GPA33: variants seen among roughly 807,000 people sequenced by gnomAD.
GPA33 encodes the protein cell surface A33 antigen.
Under a neutral mutation model 35.6 loss-of-function variants are expected in GPA33, and 27 were observed. That is an observed-to-expected ratio of 0.76 (90% CI 0.56 to 1.04). The LOEUF (loss-of-function observed/expected upper bound fraction) is 1.04, where lower values mean the gene tolerates loss of function less well. Ranked by LOEUF, GPA33 falls within the 50% of genes least tolerant of loss-of-function variation. The pLI, the probability that GPA33 is intolerant of heterozygous loss-of-function variation, is 0.00. For synonymous variants in GPA33, 176 were observed against 164.0 expected, an observed-to-expected ratio of 1.07 and a Z score of -0.56; for missense variants, 428 against 411.9, an observed-to-expected ratio of 1.04 and a Z score of -0.34.
In GPA33 at chr1:167,054,402, C is replaced by T; in HGVS notation, c.892G>A (p.Glu298Lys). 1 of 1,614,138 alleles carries T rather than the reference C, an allele frequency of 6.2e-7. No individual in the cohort carries two copies. The highest frequency in any genetic ancestry group is 8.5e-7 in the Non-Finnish European group (1 of 1,180,002). The change falls in exon 7 of 7, where the codon GAG becomes AAG. Residue 298 changes from glutamate to lysine, a missense_variant. By Grantham distance (56) the Glu-to-Lys change is moderately conservative (BLOSUM62 1). Transcript: ENST00000367868. ...TGCTCTTCTTGCCTGTAGTCATCCT[C>T]CTCCTCCCTCTCTCTGGAAAGTTCT... ...LRELSREREE[E>K]DDYRQEEQRS...
rs1219132819 is a variant in GPA33 at position 167,067,392 on chromosome 1, G to A, written c.415+1530C>T. Among the ~76,000 whole-genome samples the A allele has an allele frequency of 4.6e-5, 7 of 152,152 alleles. No individual in the cohort carries two copies. The East Asian group carries it at 1.2e-3, about 25-fold the overall frequency. On this transcript the variant is annotated intron_variant, in intron 3 of 6. Transcript: ENST00000367868. Reference sequence around the variant, plus strand: ...GCTGGGATTACAGGCTTGAGCTACCGCACCCGACCCTTCTTCTTTTTTAAA... The same window carrying A: ...GCTGGGATTACAGGCTTGAGCTACCACACCCGACCCTTCTTCTTTTTTAAA...
Position 167,054,283 on chromosome 1 carries a change from C to T in GPA33, c.*51G>A, listed in dbSNP as rs374024652. 2.6e-5 allele frequency: 42 copies of T among 1,605,036 alleles called. No individual in the cohort carries two copies. The highest frequency in any genetic ancestry group is 2.9e-5 in the Non-Finnish European group (34 of 1,175,162). ...AGAAAGGAGAAGGGAGGCCAGGAAG[C>T]GGGAGAATGAACCCCTAACCCTTCC... On this transcript the variant is annotated 3_prime_UTR_variant, in exon 7 of 7. Transcript: ENST00000367868.
At chr1:167,081,353 G>A (rs949409142) in intron 1 of GPA33, among the ~76,000 whole-genome samples, 3 of 152,190 alleles carry the variant, frequency 2.0e-5, no homozygotes, top group Admixed American at 2.0e-4. Flanking sequence ...CCAGGACCAA[G>A]TACCATGTGC....
chr1:167,070,265 A>C (rs1355708497), intron 2 of GPA33, among the ~76,000 whole-genome samples: 1 of 152,194 alleles, frequency 6.6e-6, no homozygotes, highest in Non-Finnish European at 1.5e-5. Context: ...TGTGTGAGTG[A>C]GGGACTGGTG....
intron 4 of GPA33, among the ~76,000 whole-genome samples, chr1:167,060,755 G>A (rs1384725125): frequency 6.6e-6 from 1 of 152,160 alleles, no homozygotes; most frequent in Non-Finnish European, 1.5e-5. Flanking sequence ...AGGTACCCGT[G>A]GCTTACAGGG....
intron 1 of GPA33, among the ~76,000 whole-genome samples, chr1:167,083,314 A>G (rs1666989531): frequency 6.6e-6 from 1 of 152,244 alleles, no homozygotes; most frequent in African/African-American, 2.4e-5. Flanking sequence ...AGCAAGTGAG[A>G]TTAGGAACAC....
In GPA33 at chr1:167,069,088, C is replaced by A. The variant is rs1274744748; in HGVS notation, c.249G>T (p.Glu83Asp). The A allele has an allele frequency of 6.2e-7, 1 of 1,614,096 alleles. No homozygotes were observed. The highest frequency in any genetic ancestry group is 8.5e-7 in the Non-Finnish European group (1 of 1,179,960). Residue 83 changes from glutamate to aspartate, a missense_variant, in exon 3 of 7, where the codon GAG becomes GAT. Transcript: ENST00000367868. Reference protein sequence around the residue: ...PFSNKNYIHGELYKNRVSISN... With the variant: ...PFSNKNYIHGDLYKNRVSISN... The stretch of plus-strand genomic sequence containing the variant: ...ATATGCTGACGCGATTCTTATAAAG[C>A]TCACCATGGATGTAGTTTTTGTTTG...
chr1:167,064,140 C>T (rs1433355710), intron 3 of GPA33, among the ~76,000 whole-genome samples: 4 of 151,998 alleles, frequency 2.6e-5, no homozygotes, highest in Non-Finnish European at 4.4e-5. Flanking sequence ...AAAAATTAGC[C>T]GGCCGTGGTG....
rs144479575 is a variant in GPA33 at position 167,057,385 on chromosome 1, A to G, written c.572-1536T>C. On this transcript the variant is annotated intron_variant, in intron 4 of 6. Transcript: ENST00000367868. ...GAGGAGCTGGAGACCTACCTCCTCT[A>G]ATTTTGCTGCAGAGCCAGCCTTGCC... Among the ~76,000 whole-genome samples the G allele has an allele frequency of 8.5e-4, 130 of 152,246 alleles. 1 individual carries two copies. The highest frequency in any genetic ancestry group is 2.9e-3 in the African/African-American group (121 of 41,510).
In GPA33 at chr1:167,090,246, T is replaced by G; in HGVS notation, c.42A>C (p.Ala14=). 1 of 1,612,378 alleles carries G rather than the reference T, an allele frequency of 6.2e-7. No individual in the cohort carries two copies. The highest frequency in any genetic ancestry group is 8.5e-7 in the Non-Finnish European group (1 of 1,178,358). ...KMWPVLWTLC[A]VRVTVDAISV... ...TGGAGAGAAAAGGGGCCTACTCACC[T>G]GCACAGAGTGTCCACAACACAGGCC... Residue 14 remains alanine, a splice_region_variant and synonymous_variant, in exon 1 of 7, where the codon GCA becomes GCC. Transcript: ENST00000367868.
At chr1:167,056,946 C>A (rs796277114) in intron 4 of GPA33, among the ~76,000 whole-genome samples, 2 of 38,546 alleles carry the variant, frequency 5.2e-5, no homozygotes, top group South Asian at 8.3e-4. Flanking sequence ...GTGTGTGTGG[C>A]GTGTGTAGTA....
At chr1:167,063,998 T>C (rs1279095055) in intron 3 of GPA33, among the ~76,000 whole-genome samples, 1 of 152,218 alleles carries the variant, frequency 6.6e-6, no homozygotes, top group African/African-American at 2.4e-5. Flanking sequence ...AGGCATGGCC[T>C]CATGTGTGTT....
chr1:167,054,599 G>A, intron 6 of GPA33, 133 bp from the exon 7 acceptor site: 1 of 1,077,904 alleles, frequency 9.3e-7, no homozygotes, highest in South Asian at 1.5e-5. Flanking sequence ...GAGGACACTG[G>A]GCTGAAAGGC....
chr1:167,077,546 C>T (rs1386198234), intron 1 of GPA33, among the ~76,000 whole-genome samples: 2 of 152,204 alleles, frequency 1.3e-5, no homozygotes, highest in African/African-American at 4.8e-5. Flanking sequence ...ACTTCTGCCA[C>T]TGGCAGAACC....
At chr1:167,061,586 GTTTTTTT>G (rs397981830) in intron 4 of GPA33, among the ~76,000 whole-genome samples, 4 of 74,626 alleles carry the variant, frequency 5.4e-5, no homozygotes, top group Middle Eastern at 0.01. Context: ...TCTACTAACT[GTTTTTTT>G]TTTTTTTTTT....
At chr1:167,057,091 G>A (rs929658151) in intron 4 of GPA33, among the ~76,000 whole-genome samples, 8 of 151,174 alleles carry the variant, frequency 5.3e-5, no homozygotes, top group African/African-American at 1.7e-4. Context: ...GGGTGGGACG[G>A]AGGCAGACTG....
intron 2 of GPA33, among the ~76,000 whole-genome samples, 164 bp downstream of exon 2, chr1:167,073,221 C>T (rs1179598182): frequency 7.9e-5 from 12 of 152,078 alleles, no homozygotes; most frequent in Non-Finnish European, 1.8e-4. Context: ...ATACTCTGGC[C>T]CTCCATGAGC....
At chr1:167,066,102 C>T (rs529656504) in intron 3 of GPA33, among the ~76,000 whole-genome samples, 2 of 152,358 alleles carry the variant, frequency 1.3e-5, no homozygotes, top group African/African-American at 4.8e-5. Context: ...TGCCTTGAAT[C>T]GGAAGCAAAG....
At chr1:167,066,968 T>C (rs927991372) in intron 3 of GPA33, among the ~76,000 whole-genome samples, 5 of 152,228 alleles carry the variant, frequency 3.3e-5, no homozygotes, top group African/African-American at 1.2e-4. Flanking sequence ...CCAGCCCCAG[T>C]GGGCTGGCTG....
Sources: gnomAD v4.1 joint callset for allele counts (sites outside exome capture counted in the v4.1 genomes callset) on GRCh38, gnomAD v4.1.1 for gene constraint, MANE v1.5 for transcripts, NCBI Gene and HGNC (gene_info 2026-07-23, HGNC 2026-07-21) for gene names.